The following ZFP69B variants were observed in gnomAD, a reference collection of about 807,000 sequenced individuals.
The protein encoded by ZFP69B is ZFP69 zinc finger protein B.
In ZFP69B, 20 loss-of-function variants were observed where a neutral mutation model predicts 19.7. The observed-to-expected ratio is 1.02, with a 90% confidence interval of 0.71 to 1.48. The LOEUF is 1.48. Among genes scored for constraint, ZFP69B ranks in the 40% most tolerant of loss-of-function variants. The pLI, the probability that ZFP69B is intolerant of heterozygous loss-of-function variation, is 0.00. For missense variants in ZFP69B, 583 were observed against 632.6 expected (o/e 0.92, Z 0.84); for synonymous variants, 220 against 222.7 (o/e 0.99, Z 0.11).
chr1:40,460,870 A>G (rs1645276968), intron 4 of ZFP69B, among the ~76,000 whole-genome samples: 1 of 151,742 alleles, frequency 6.6e-6, no homozygotes, highest in East Asian at 1.9e-4. Flanking sequence ...AGTCCCAGCT[A>G]CTTGGGAGGC....
intron 4 of ZFP69B, among the ~76,000 whole-genome samples, chr1:40,459,318 T>C (rs941885465): frequency 3.3e-5 from 5 of 152,246 alleles, no homozygotes; most frequent in African/African-American, 7.2e-5. Context: ...CCTATTCTTA[T>C]GTATCTCTGG....
At chr1:40,461,087 A>G (rs1645279899) in intron 4 of ZFP69B, among the ~76,000 whole-genome samples, 1 of 149,432 alleles carries the variant, frequency 6.7e-6, no homozygotes, top group Non-Finnish European at 1.5e-5. Context: ...CGGAGGTTGC[A>G]GTGAGTCAAG....
At chr1:40,460,312 C>T (rs1645269813) in intron 4 of ZFP69B, among the ~76,000 whole-genome samples, 1 of 152,202 alleles carries the variant, frequency 6.6e-6, no homozygotes, top group African/African-American at 2.4e-5. Flanking sequence ...ATGTTATGTC[C>T]ATGCAGTAGA....
At position 40,457,843 on chromosome 1, in the gene ZFP69B, C is replaced by A. The variant is rs565616529; in HGVS notation, c.436+404C>A. Among the ~76,000 whole-genome samples, 196 of 152,268 alleles carry A rather than the reference C, an allele frequency of 1.3e-3. 1 individual carries two copies. Among genetic ancestry groups the A allele is most frequent in the African/African-American group, 4.5e-3 (188 of 41,558 alleles). On this transcript the variant is annotated intron_variant, in intron 4 of 4. Transcript: ENST00000361584. ...CGGTTTCACTGTCTCTCAATGATTTCATTTTCAATATTTTTCTAATCCTTA... is the reference window on the plus strand; with the variant it reads ...CGGTTTCACTGTCTCTCAATGATTTAATTTTCAATATTTTTCTAATCCTTA...
chr1:40,457,673 C>G (rs1409044656), intron 4 of ZFP69B, among the ~76,000 whole-genome samples: 1 of 152,200 alleles, frequency 6.6e-6, no homozygotes, highest in East Asian at 1.9e-4. Context: ...TTCTTTTGAT[C>G]TGAGCTTCAT....
At chr1:40,451,981 T>C (rs1645191109) in intron 1 of ZFP69B, among the ~76,000 whole-genome samples, 2 of 151,920 alleles carry the variant, frequency 1.3e-5, no homozygotes, top group South Asian at 4.2e-4. Context: ...AAAAATTAGC[T>C]GGGCGTGGTG....
rs763673910 is a variant in ZFP69B at position 40,462,615 on chromosome 1, C to G, written c.631C>G (p.Leu211Val). ...NQRMGKGQIPLMCKKTFTQER... is the reference protein window; with the variant it reads ...NQRMGKGQIPVMCKKTFTQER... Reference sequence around the variant, plus strand: ...AAGAATGGGTAAGGGGCAAATCCCCCTGATGTGCAAGAAAACATTCACTCA... The same window carrying G: ...AAGAATGGGTAAGGGGCAAATCCCCGTGATGTGCAAGAAAACATTCACTCA... The change falls in exon 5 of 5, where the codon CTG becomes GTG. Residue 211 changes from leucine (L) to valine (V), a missense_variant. Physicochemically the swap from Leu to Val is conservative, Grantham distance 32. Transcript: ENST00000361584. 4 of 1,613,904 alleles carry G rather than the reference C, an allele frequency of 2.5e-6. No homozygotes were observed. Among genetic ancestry groups the G allele is most frequent in the Non-Finnish European group, 3.4e-6 (4 of 1,179,952 alleles).
chr1:40,462,318 C>A, intron 4 of ZFP69B, 103 bp from the exon 5 acceptor site: 1 of 1,068,574 alleles, frequency 9.4e-7, no homozygotes, highest in Non-Finnish European at 1.3e-6. Flanking sequence ...TGATCCAGAA[C>A]TCCTGTACCT....
Position 40,450,818 on chromosome 1 carries a change from C to T in ZFP69B, c.-144C>T, listed in dbSNP as rs1396328822. 2 of 878,982 alleles carry T rather than the reference C, an allele frequency of 2.3e-6. No individual in the cohort carries two copies. The highest frequency in any genetic ancestry group is 3.1e-6 in the Non-Finnish European group (2 of 644,536). 54.4% of individuals were successfully genotyped at this position (878,982 alleles called of 1,614,324 possible). A position where few individuals can be genotyped will look rare whatever the true frequency, so the allele number is the denominator to read the frequency against. On this transcript the variant is annotated 5_prime_UTR_variant, in exon 1 of 5. Coordinates refer to ENST00000361584, the MANE Select transcript of ZFP69B (RefSeq NM_023070.3). ...TGTTCCCTGGGTTCCTGAGAGAGGA[C>T]ATTGAGGAGTAGGAGTCGGCGATTA...
In ZFP69B at chr1:40,462,942, T is replaced by C. The variant is rs1233855169; in HGVS notation, c.958T>C (p.Ser320Pro). 6.8e-6 allele frequency: 11 copies of C among 1,613,834 alleles called. No homozygotes were observed. Among genetic ancestry groups the C allele is most frequent in the Middle Eastern group, 1.7e-4 (1 of 6,060 alleles). The change falls in exon 5 of 5, where the codon TCA becomes CCA. Residue 320 changes from serine to proline, a missense_variant. Coordinates refer to ENST00000361584, the MANE Select transcript of ZFP69B (RefSeq NM_023070.3). The stretch of plus-strand genomic sequence containing the variant: ...ATGTGGAAAAGCCTTTAGCCAAAGT[T>C]CATCTCTTATTCCGCATCAGAGAAT... Reference protein sequence around the residue: ...KECGKAFSQSSSLIPHQRIHT... With the variant: ...KECGKAFSQSPSLIPHQRIHT...
intron 4 of ZFP69B, among the ~76,000 whole-genome samples, chr1:40,459,528 A>G (rs754638285): frequency 6.6e-6 from 1 of 152,032 alleles, no homozygotes; most frequent in Non-Finnish European, 1.5e-5. Context: ...CCTTAATATT[A>G]CTTGTTAGAT....
At chr1:40,454,382 G>A in intron 2 of ZFP69B, 94 bp downstream of exon 2, 1 of 922,228 alleles carries the variant, frequency 1.1e-6, no homozygotes, top group Non-Finnish European at 1.5e-6. Context: ...TCCTGGATTG[G>A]CTTTTCTTTT....
intron 1 of ZFP69B, among the ~76,000 whole-genome samples, chr1:40,451,653 TG>T (rs371723102): frequency 0.048 from 5,311 of 110,860 alleles, 256 homozygotes; most frequent in African/African-American, 0.13. Context: ...GAGAAAGACG[TG>T]GGGGGGGGGG....
chr1:40,454,132 G>T, intron 1 of ZFP69B, 71 bp from the exon 2 acceptor site: 1 of 1,234,310 alleles, frequency 8.1e-7, no homozygotes, highest in South Asian at 1.7e-5. Flanking sequence ...ACAATGAGTG[G>T]GTCTGTAGGC....
chr1:40,455,801 C>T (rs1322295181), intron 2 of ZFP69B, among the ~76,000 whole-genome samples: 1 of 152,142 alleles, frequency 6.6e-6, no homozygotes, highest in Non-Finnish European at 1.5e-5. Context: ...GTTCCCCTCC[C>T]TGTGTCCGTG....
At chr1:40,457,858 T>C (rs1198963965) in intron 4 of ZFP69B, among the ~76,000 whole-genome samples, 1 of 152,226 alleles carries the variant, frequency 6.6e-6, no homozygotes, top group Non-Finnish European at 1.5e-5. Flanking sequence ...TCAATATTTT[T>C]CTAATCCTTA....
intron 2 of ZFP69B, 54 bp downstream of exon 2, chr1:40,454,342 C>A: frequency 2.3e-6 from 3 of 1,303,446 alleles, no homozygotes; most frequent in Non-Finnish European, 3.1e-6. Context: ...ATTTTAAGAG[C>A]GCAGGAGTTT....
intron 4 of ZFP69B, among the ~76,000 whole-genome samples, chr1:40,457,678 C>T (rs1159954807): frequency 6.6e-6 from 1 of 152,172 alleles, no homozygotes; most frequent in Non-Finnish European, 1.5e-5. Flanking sequence ...TTGATCTGAG[C>T]TTCATGATTT....
intron 4 of ZFP69B, among the ~76,000 whole-genome samples, chr1:40,459,965 TGTTATGCCAG>T (rs1279540329): frequency 1.3e-5 from 2 of 152,260 alleles, no homozygotes; most frequent in East Asian, 3.9e-4. Flanking sequence ...CATCCAAAAA[TGTTATGCCAG>T]GTATACAATG....
Sources: gnomAD v4.1 joint callset for allele counts (sites outside exome capture counted in the v4.1 genomes callset) on GRCh38, gnomAD v4.1.1 for gene constraint, MANE v1.5 for transcripts, NCBI Gene and HGNC (gene_info 2026-07-23, HGNC 2026-07-21) for gene names.